The following PPFIBP1 variants were observed in gnomAD, a reference collection of about 807,000 sequenced individuals.
PPFIBP1 encodes the protein PPFIB scaffold protein 1, also known as liprin-beta-1.
Under a neutral mutation model 137.8 loss-of-function variants are expected in PPFIBP1, and 112 were observed. That is an observed-to-expected ratio of 0.81 (90% CI 0.70 to 0.95). PPFIBP1 has a LOEUF of 0.95. PPFIBP1 is among the 40% of genes least tolerant of loss of function. The pLI is 0.00. For synonymous variants in PPFIBP1, 378 were observed against 417.3 expected (o/e 0.91, Z 1.15); for missense variants, 1,083 against 1,196.6 (o/e 0.91, Z 1.40).
intron 2 of PPFIBP1, among the ~76,000 whole-genome samples, chr12:27,601,056 A>C (rs1225065480): frequency 1.3e-5 from 2 of 152,192 alleles, no homozygotes; most frequent in Non-Finnish European, 1.5e-5. Flanking sequence ...GCAGTAGAGC[A>C]CCAGACTTAT....
chr12:27,650,512 A>T (rs1233279973), intron 7 of PPFIBP1, among the ~76,000 whole-genome samples: 1 of 152,226 alleles, frequency 6.6e-6, no homozygotes, highest in Admixed American at 6.5e-5. Context: ...ATTTAGGCAC[A>T]CTGATTATTT....
chr12:27,680,824 A>G (rs1294211404), intron 21 of PPFIBP1, among the ~76,000 whole-genome samples: 2 of 152,238 alleles, frequency 1.3e-5, no homozygotes, highest in Non-Finnish European at 2.9e-5. Flanking sequence ...ATCTTTTAAC[A>G]GTATAATAGA....
chr12:27,559,689 A>G (rs532263298), intron 1 of PPFIBP1, among the ~76,000 whole-genome samples: 1 of 152,378 alleles, frequency 6.6e-6, no homozygotes, highest in East Asian at 1.9e-4. Context: ...CAATTGGATC[A>G]TAAGGATACC....
chr12:27,573,259 T>C (rs2050285935), intron 1 of PPFIBP1, among the ~76,000 whole-genome samples: 1 of 152,194 alleles, frequency 6.6e-6, no homozygotes, highest in African/African-American at 2.4e-5. Context: ...AATACATGAT[T>C]AAATACCCGA....
intron 2 of PPFIBP1, among the ~76,000 whole-genome samples, chr12:27,618,050 G>C (rs767220930): frequency 6.6e-5 from 10 of 152,144 alleles, no homozygotes; most frequent in Non-Finnish European, 1.3e-4. Context: ...TTATTGAAAT[G>C]AAAACAAAAT....
At chr12:27,649,819 T>G (rs757070613) in intron 6 of PPFIBP1, among the ~76,000 whole-genome samples, 191 bp from the exon 7 acceptor site, 6 of 152,236 alleles carry the variant, frequency 3.9e-5, no homozygotes, top group Non-Finnish European at 5.9e-5. Flanking sequence ...CCCAAAGTGC[T>G]GGGATTACAG....
At chr12:27,595,057 A>G (rs1432138743) in intron 2 of PPFIBP1, among the ~76,000 whole-genome samples, 1 of 152,236 alleles carries the variant, frequency 6.6e-6, no homozygotes, top group Non-Finnish European at 1.5e-5. Context: ...TTCTATGTGT[A>G]GGATTAATGG....
intron 2 of PPFIBP1, among the ~76,000 whole-genome samples, chr12:27,632,417 C>G (rs2057329437): frequency 6.6e-6 from 1 of 152,132 alleles, no homozygotes; most frequent in South Asian, 2.1e-4. Context: ...CTACTGGGTG[C>G]TTAGTCTGGT....
At chr12:27,648,254 A>G (rs539654210) in intron 6 of PPFIBP1, among the ~76,000 whole-genome samples, 43 of 152,216 alleles carry the variant, frequency 2.8e-4, no homozygotes, top group Non-Finnish European at 5.6e-4. Flanking sequence ...AAGGTGCTCA[A>G]CATCATTGCT....
intron 12 of PPFIBP1, 49 bp downstream of exon 12, chr12:27,664,495 C>G (rs766395123): frequency 1.6e-6 from 2 of 1,283,842 alleles, no homozygotes; most frequent in East Asian, 2.4e-5. Context: ...CTCTAAGTGG[C>G]TATAAACTTA....
intron 2 of PPFIBP1, among the ~76,000 whole-genome samples, chr12:27,629,232 G>A (rs2057085980): frequency 6.6e-6 from 1 of 152,214 alleles, no homozygotes; most frequent in African/African-American, 2.4e-5. Flanking sequence ...CCAACAATGA[G>A]TGGTTCCTTC....
intron 1 of PPFIBP1, among the ~76,000 whole-genome samples, chr12:27,571,578 C>G (rs565573257): frequency 3.9e-5 from 6 of 152,212 alleles, no homozygotes; most frequent in African/African-American, 1.2e-4. Context: ...AGAGTCTCTA[C>G]TGTTCTTGCT....
intron 2 of PPFIBP1, among the ~76,000 whole-genome samples, chr12:27,616,395 T>C (rs948792624): frequency 8.6e-5 from 13 of 151,914 alleles, no homozygotes; most frequent in African/African-American, 3.1e-4. Context: ...TGATCTTTGA[T>C]GGCATTTTGG....
intron 2 of PPFIBP1, among the ~76,000 whole-genome samples, chr12:27,587,774 G>A (rs912130748): frequency 2.0e-5 from 3 of 151,554 alleles, no homozygotes; most frequent in Non-Finnish European, 4.4e-5. Flanking sequence ...TGGACTACTT[G>A]AAAGTAAGTT....
intron 3 of PPFIBP1, among the ~76,000 whole-genome samples, chr12:27,633,866 C>T (rs2057444705): frequency 8.0e-6 from 1 of 124,506 alleles, no homozygotes; most frequent in African/African-American, 3.0e-5. Context: ...GAGATGGAGT[C>T]TCTCTCTGTT....
At chr12:27,646,325 C>A in intron 5 of PPFIBP1, 177 bp downstream of exon 5, 1 of 651,396 alleles carries the variant, frequency 1.5e-6, no homozygotes, top group Non-Finnish European at 2.8e-6. Flanking sequence ...GTGTTTACAC[C>A]CAGTTTAAAA....
In PPFIBP1 at chr12:27,633,477, G is replaced by A; in HGVS notation, c.64+17G>A. ...TCATAGCAGGTGATCTGCATCCTGT[G>A]AAAGACAGAATCACAACATTTACTC... On this transcript the variant is annotated intron_variant, in intron 3 of 29. Transcript: ENST00000228425. 2 of 1,605,982 alleles carry A rather than the reference G, an allele frequency of 1.2e-6. No homozygotes were observed. Among genetic ancestry groups the A allele is most frequent in the Non-Finnish European group, 8.5e-7 (1 of 1,175,880 alleles).
At chr12:27,595,000 T>C (rs1036190349) in intron 2 of PPFIBP1, among the ~76,000 whole-genome samples, 7 of 152,248 alleles carry the variant, frequency 4.6e-5, no homozygotes, top group Admixed American at 1.3e-4. Flanking sequence ...TAAATAAATC[T>C]GTAGTAAACC....
Position 27,692,813 on chromosome 12 carries a change from T to A in PPFIBP1, c.2949T>A (p.Asp983Glu). Reference protein sequence around the residue: ...INNLTHMLKEDDMFKDFAARS... With the variant: ...INNLTHMLKEEDMFKDFAARS... ...TTTTCCAGCACATGTTAAAAGAAGA[T>A]GACATGTTTAAAGATTTTGCTGCCC... is the stretch of plus-strand genomic sequence containing the variant. The change falls in exon 30 of 30, where the codon GAT (aspartate) becomes GAA (glutamate). Residue 983 changes from aspartate (D) to glutamate (E), a missense_variant. By Grantham distance (45) the Asp-to-Glu change is conservative. Transcript: ENST00000228425. The A allele has an allele frequency of 5.0e-6, 8 of 1,614,118 alleles. No individual in the cohort carries two copies. The highest frequency in any genetic ancestry group is 6.8e-6 in the Non-Finnish European group (8 of 1,180,010).
Sources: gnomAD v4.1 joint callset for allele counts (sites outside exome capture counted in the v4.1 genomes callset) on GRCh38, gnomAD v4.1.1 for gene constraint, MANE v1.5 for transcripts, NCBI Gene and HGNC (gene_info 2026-07-23, HGNC 2026-07-21) for gene names.